Variants in RARB observed in about 807,000 individuals in gnomAD.
RARB encodes the protein retinoic acid receptor beta, also known as HBV-activated protein.
In RARB, 17 loss-of-function variants were observed where a neutral mutation model predicts 51.9. The ratio of observed to expected loss-of-function variants is 0.33; its 90% CI spans 0.22 to 0.49. RARB has a LOEUF of 0.49. Ranked by LOEUF, RARB falls within the 20% of genes least tolerant of loss-of-function variation. RARB has a pLI of 0.99. For synonymous variants in RARB, 215 were observed against 195.4 expected, an observed-to-expected ratio of 1.10 and a Z score of -0.84; for missense variants, 369 against 550.8, an observed-to-expected ratio of 0.67 and a Z score of 3.30.
At chr3:24,984,331 A>G (rs2125428320) in intron 2 of RARB, among the ~76,000 whole-genome samples, 1 of 152,338 alleles carries the variant, frequency 6.6e-6, no homozygotes, top group Admixed American at 6.5e-5. Context: ...TTGCTCACTC[A>G]TTCATTCAAG....
intron 4 of RARB, among the ~76,000 whole-genome samples, chr3:25,142,129 C>T (rs967142932): frequency 2.6e-5 from 4 of 152,138 alleles, no homozygotes; most frequent in Admixed American, 1.3e-4. Context: ...GTCAGGAGTT[C>T]AAGACCAGCC....
rs113401222 is a variant in RARB, at chr3:25,331,699, A to G, written c.179-129494A>G. Among the ~76,000 whole-genome samples the G allele has an allele frequency of 5.8e-3, 884 of 152,318 alleles. 5 individuals are homozygous for G. Among genetic ancestry groups the G allele is most frequent in the African/African-American group, 0.018 (762 of 41,558 alleles). On this transcript the variant is annotated intron_variant, in intron 5 of 11. Transcript: ENST00000383772. ...CAGAGCAGAACTGAAGGAGATAGAG[A>G]CACAAAAAACCCTTCAAAAAATCAA...
intron 5 of RARB, among the ~76,000 whole-genome samples, chr3:25,195,404 T>G (rs1013416632): frequency 6.6e-6 from 1 of 152,040 alleles, no homozygotes; most frequent in African/African-American, 2.4e-5. Flanking sequence ...GGTTGGTTAA[T>G]TTCAGCAGTA....
intron 2 of RARB, among the ~76,000 whole-genome samples, chr3:25,052,059 G>A (rs1235062783): frequency 1.3e-5 from 2 of 152,160 alleles, no homozygotes; most frequent in Non-Finnish European, 2.9e-5. Context: ...CTCGGTATAT[G>A]CTTTTGTGAG....
At chr3:25,458,886 TAGAG>T (rs1034445848) in intron 1 of RARB, among the ~76,000 whole-genome samples, 105 of 152,298 alleles carry the variant, frequency 6.9e-4, no homozygotes, top group African/African-American at 2.4e-3. Flanking sequence ...TTTAACAACT[TAGAG>T]GGACTCTTAG....
intron 3 of RARB, among the ~76,000 whole-genome samples, chr3:25,561,805 T>C (rs776907497): frequency 3.9e-5 from 6 of 152,230 alleles, no homozygotes; most frequent in Admixed American, 6.5e-5. Context: ...TGATAGAGAC[T>C]GTTATTTAAT....
chr3:25,153,540 T>A (rs958172409), intron 4 of RARB, among the ~76,000 whole-genome samples: 5 of 152,120 alleles, frequency 3.3e-5, no homozygotes, highest in African/African-American at 1.2e-4. Context: ...TCGCCTAGAG[T>A]ATCTGTGTGC....
intron 1 of RARB, among the ~76,000 whole-genome samples, chr3:25,446,181 A>G (rs1708922449): frequency 2.0e-5 from 3 of 152,200 alleles, no homozygotes; most frequent in Admixed American, 1.3e-4. Flanking sequence ...AATATTACCC[A>G]CGTCTCTGTG....
At position 25,206,798 on chromosome 3, in the gene RARB, C is replaced by G. The variant is rs1701560633; in HGVS notation, c.178+32223C>G. On this transcript the variant is annotated intron_variant, in intron 5 of 11. Coordinates refer to the RARB transcript ENST00000383772. ...GCCCGATAGCTTCCAAGAGATTTCT[C>G]CAAACCCTGACTACTTTTTCTCATC... 2.0e-5 allele frequency among the ~76,000 whole-genome samples: 3 copies of G among 152,174 alleles called. No homozygotes were observed. The South Asian group carries it at 6.2e-4, about 31-fold the overall frequency.
chr3:25,021,972 A>C (rs1697648289), intron 2 of RARB, among the ~76,000 whole-genome samples: 1 of 152,214 alleles, frequency 6.6e-6, no homozygotes, highest in African/African-American at 2.4e-5. Context: ...TTAAAAACTG[A>C]ATTTCCCAAT....
chr3:25,234,273 G>C (rs1702251661), intron 5 of RARB, among the ~76,000 whole-genome samples: 1 of 151,958 alleles, frequency 6.6e-6, no homozygotes, highest in African/African-American at 2.4e-5. Flanking sequence ...ATTTCTTCTT[G>C]AGTGACTTTT....
chr3:25,190,618 G>C (rs1575207206), intron 5 of RARB, among the ~76,000 whole-genome samples: 4 of 152,190 alleles, frequency 2.6e-5, no homozygotes, highest in African/African-American at 9.6e-5. Context: ...GTGATTCCTT[G>C]AGGTGTGGTT....
At chr3:25,367,223 G>A (rs1706148891) in intron 5 of RARB, among the ~76,000 whole-genome samples, 1 of 152,148 alleles carries the variant, frequency 6.6e-6, no homozygotes, top group Non-Finnish European at 1.5e-5. Context: ...TTGGTACAGA[G>A]CATCATTTTG....
At chr3:25,470,344 T>C (rs1325920608) in intron 2 of RARB, among the ~76,000 whole-genome samples, 1 of 152,176 alleles carries the variant, frequency 6.6e-6, no homozygotes, top group African/African-American at 2.4e-5. Flanking sequence ...TAAATATTCA[T>C]TGGATGGATG....
chr3:25,571,444 C>T (rs920902490), intron 4 of RARB, among the ~76,000 whole-genome samples: 2 of 152,190 alleles, frequency 1.3e-5, no homozygotes, highest in Admixed American at 6.5e-5. Context: ...GGGTCCACCT[C>T]GCCCATTGGT....
chr3:25,228,990 C>T (rs185574155), intron 5 of RARB, among the ~76,000 whole-genome samples: 32 of 152,230 alleles, frequency 2.1e-4, no homozygotes, highest in Admixed American at 1.3e-3. Context: ...CAGAACTCTA[C>T]AAGGATGTTT....
chr3:24,886,615 T>G (rs143320968), intron 2 of RARB, among the ~76,000 whole-genome samples: 88 of 152,142 alleles, frequency 5.8e-4, no homozygotes, highest in African/African-American at 1.9e-3. Flanking sequence ...TGGCTAATTT[T>G]AATTTTTGTA....
intron 2 of RARB, among the ~76,000 whole-genome samples, chr3:24,936,364 G>A (rs1695548253): frequency 6.6e-6 from 1 of 152,114 alleles, no homozygotes; most frequent in Admixed American, 6.6e-5. Flanking sequence ...ACTATAATCT[G>A]TATACCTTCC....
chr3:25,494,574 G>A (rs1055939307), intron 2 of RARB, among the ~76,000 whole-genome samples: 1 of 152,112 alleles, frequency 6.6e-6, no homozygotes, highest in Non-Finnish European at 1.5e-5. Context: ...GCACTGCTTG[G>A]TGGCATCTTA....
Sources: gnomAD v4.1 joint callset for allele counts (sites outside exome capture counted in the v4.1 genomes callset) on GRCh38, gnomAD v4.1.1 for gene constraint, MANE v1.5 for transcripts, NCBI Gene and HGNC (gene_info 2026-07-23, HGNC 2026-07-21) for gene names.